Variants in ZNF516 observed in about 807,000 individuals in gnomAD.
ZNF516 encodes the protein zinc finger protein 516.
In ZNF516, 19 loss-of-function variants were observed where a neutral mutation model predicts 79.7. The ratio of observed to expected loss-of-function variants is 0.24; its 90% confidence interval spans 0.17 to 0.35. ZNF516 has a LOEUF of 0.35. ZNF516 is among the 10% of genes least tolerant of loss of function. ZNF516 has a pLI of 1.00. For synonymous variants in ZNF516, 877 were observed against 739.5 expected, an observed-to-expected ratio of 1.19 and a Z score of -3.02; for missense variants, 1,678 against 1,679.5, an observed-to-expected ratio of 1.00 and a Z score of 0.02.
chr18:76,370,369 G>A (rs561710145), intron 6 of ZNF516, among the ~76,000 whole-genome samples, 159 bp downstream of exon 6: 16 of 152,234 alleles, frequency 1.1e-4, no homozygotes, highest in South Asian at 2.1e-4. Context: ...GCCCACAGAC[G>A]GCCCCGAAGG....
At chr18:76,446,214 T>C (rs1912042722) in intron 2 of ZNF516, among the ~76,000 whole-genome samples, 1 of 152,134 alleles carries the variant, frequency 6.6e-6, no homozygotes, top group Non-Finnish European at 1.5e-5. Flanking sequence ...AAATGCCTCC[T>C]TCTATAAAAT....
At chr18:76,495,918 G>T, upstream of ZNF516, 1 of 351,492 alleles carries the variant, frequency 2.8e-6, no homozygotes, top group Non-Finnish European at 4.8e-6. Context: ...CCGCTGGAAA[G>T]ACTTCAAACA....
intron 1 of ZNF516, among the ~76,000 whole-genome samples, chr18:76,483,233 C>T (rs1320102174): frequency 6.6e-6 from 1 of 152,118 alleles, no homozygotes. Flanking sequence ...TGCAAAGGTC[C>T]AGACAGCAAC....
intron 3 of ZNF516, among the ~76,000 whole-genome samples, chr18:76,401,748 A>C: frequency 7.4e-6 from 1 of 134,338 alleles, no homozygotes; most frequent in Non-Finnish European, 1.6e-5. Flanking sequence ...TCTCTCCACC[A>C]CCAACCACAC....
chr18:76,384,703 AG>A (rs1381664429), intron 3 of ZNF516, among the ~76,000 whole-genome samples: 3 of 150,568 alleles, frequency 2.0e-5, no homozygotes, highest in Non-Finnish European at 4.4e-5. Context: ...GTGTCCGGGG[AG>A]GGGGCTCCAG....
At chr18:76,423,769 A>C (rs1201841826) in intron 3 of ZNF516, among the ~76,000 whole-genome samples, 1 of 150,644 alleles carries the variant, frequency 6.6e-6, no homozygotes, top group East Asian at 2.0e-4. Context: ...GGCTCCCCCG[A>C]AACACACGCA....
chr18:76,404,065 C>G (rs992016628), intron 3 of ZNF516, among the ~76,000 whole-genome samples: 1 of 152,252 alleles, frequency 6.6e-6, no homozygotes, highest in Non-Finnish European at 1.5e-5. Context: ...TGGGGCAGAA[C>G]TGGCCTCCCC....
At chr18:76,431,019 T>C (rs752665460) in intron 3 of ZNF516, among the ~76,000 whole-genome samples, 1 of 152,188 alleles carries the variant, frequency 6.6e-6, no homozygotes, top group Non-Finnish European at 1.5e-5. Context: ...CAAATATCCC[T>C]AGCTTTTTAA....
chr18:76,401,680 G>A (rs188351369), intron 3 of ZNF516, among the ~76,000 whole-genome samples: 76 of 135,172 alleles, frequency 5.6e-4, no homozygotes, highest in African/African-American at 2.0e-3. Flanking sequence ...GAGCACAACC[G>A]GCCTCCCAGT....
At chr18:76,421,835 T>TGAAAAAGTTTCC in intron 3 of ZNF516, among the ~76,000 whole-genome samples, 1 of 152,250 alleles carries the variant, frequency 6.6e-6, no homozygotes, top group East Asian at 1.9e-4. Context: ...GACAAGTTTC[T>TGAAAAAGTTTCC]GAAAAAGTTT....
chr18:76,362,366 AGGTGTCT>A lies in ZNF516; in HGVS notation c.*125_*131del. 2 of 751,770 alleles carry A rather than the reference AGGTGTCT, an allele frequency of 2.7e-6. No individual in the cohort carries two copies. Among genetic ancestry groups the A allele is most frequent in the Non-Finnish European group, 4.3e-6 (2 of 460,254 alleles). 46.6% of individuals were successfully genotyped at this position (751,770 alleles called of 1,614,324 possible). On this transcript the variant is annotated 3_prime_UTR_variant, in exon 7 of 7. Transcript: ENST00000443185. ...CTCCAGCGCAGCGGCTCGGGATGTG[AGGTGTCT>A]GCTCAGGAGTTCCCCGGCTGTTCTT...
At chr18:76,471,645 G>A (rs1237542261) in intron 1 of ZNF516, among the ~76,000 whole-genome samples, 1 of 152,106 alleles carries the variant, frequency 6.6e-6, no homozygotes, top group African/African-American at 2.4e-5. Context: ...CACCAGTCGG[G>A]GCCTCACTAG....
intron 3 of ZNF516, among the ~76,000 whole-genome samples, chr18:76,397,475 C>T (rs1484995443): frequency 7.2e-6 from 1 of 139,632 alleles, no homozygotes; most frequent in East Asian, 2.0e-4. Context: ...GATGTTTATT[C>T]TACTTTTTCT....
intron 2 of ZNF516, among the ~76,000 whole-genome samples, chr18:76,455,006 C>T (rs1396118738): frequency 6.6e-6 from 1 of 152,146 alleles, no homozygotes; most frequent in African/African-American, 2.4e-5. Context: ...GAATTGCCAA[C>T]CCCCGCCCCA....
chr18:76,418,721 A>G (rs2075468898), intron 3 of ZNF516, among the ~76,000 whole-genome samples: 1 of 152,278 alleles, frequency 6.6e-6, no homozygotes, highest in Non-Finnish European at 1.5e-5. Context: ...TTTATTTTAA[A>G]TGTAATTATA....
intron 1 of ZNF516, among the ~76,000 whole-genome samples, chr18:76,475,088 GA>G (rs1380561127): frequency 6.6e-6 from 1 of 152,090 alleles, no homozygotes; most frequent in African/African-American, 2.4e-5. Context: ...TCTGTATCTG[GA>G]AAACATATGT....
At chr18:76,466,220 G>T (rs1913455496) in intron 1 of ZNF516, among the ~76,000 whole-genome samples, 1 of 152,124 alleles carries the variant, frequency 6.6e-6, no homozygotes, top group Non-Finnish European at 1.5e-5. Context: ...TACTCCTAGG[G>T]TGCTTCTCAC....
intron 3 of ZNF516, among the ~76,000 whole-genome samples, chr18:76,399,061 C>G (rs1185003868): frequency 1.3e-5 from 2 of 152,208 alleles, no homozygotes; most frequent in Admixed American, 1.3e-4. Flanking sequence ...GGCATCCTGG[C>G]AGCCCGCGCA....
intron 5 of ZNF516, among the ~76,000 whole-genome samples, 157 bp downstream of exon 5, chr18:76,371,310 G>A (rs1027582521): frequency 4.6e-5 from 7 of 152,196 alleles, no homozygotes; most frequent in Non-Finnish European, 7.3e-5. Flanking sequence ...GAGTGGGGGC[G>A]GCCTGTATAC....
Sources: gnomAD v4.1 joint callset for allele counts (sites outside exome capture counted in the v4.1 genomes callset) on GRCh38, gnomAD v4.1.1 for gene constraint, MANE v1.5 for transcripts, NCBI Gene and HGNC (gene_info 2026-07-23, HGNC 2026-07-21) for gene names.